Variants in GRIN3A observed in about 807,000 individuals in gnomAD.
GRIN3A encodes the protein glutamate ionotropic receptor NMDA type subunit 3A.
GRIN3A carries 47 observed loss-of-function variants against 92.4 expected under a neutral mutation model. The ratio of observed to expected loss-of-function variants is 0.51; its 90% CI spans 0.40 to 0.65. The LOEUF is 0.65. Ranked by LOEUF, GRIN3A falls within the 30% of genes least tolerant of loss-of-function variation. The pLI, the probability that GRIN3A is intolerant of heterozygous loss-of-function variation, is 0.00. For missense variants in GRIN3A, 1,324 were observed against 1,393.1 expected (o/e 0.95, Z 0.79); for synonymous variants, 527 against 540.6 (o/e 0.97, Z 0.35).
At chr9:101,672,792 C>T (rs1350867402) in intron 2 of GRIN3A, among the ~76,000 whole-genome samples, 1 of 152,060 alleles carries the variant, frequency 6.6e-6, no homozygotes, top group African/African-American at 2.4e-5. Flanking sequence ...TGTTAGTACT[C>T]CCCAGTGGGA....
intron 2 of GRIN3A, among the ~76,000 whole-genome samples, chr9:101,685,468 A>T (rs1829522435): frequency 6.6e-6 from 1 of 152,046 alleles, no homozygotes; most frequent in Non-Finnish European, 1.5e-5. Flanking sequence ...ACAGGGAAAC[A>T]TTCGTCTTTG....
chr9:101,604,573 C>T (rs1462562576), intron 6 of GRIN3A, among the ~76,000 whole-genome samples: 1 of 152,164 alleles, frequency 6.6e-6, no homozygotes, highest in Non-Finnish European at 1.5e-5. Flanking sequence ...AATCTACAGT[C>T]ATTAACTCTC....
chr9:101,664,587 T>A (rs1885978), intron 3 of GRIN3A, among the ~76,000 whole-genome samples: 51,208 of 151,868 alleles, frequency 0.34, 9,512 homozygotes, highest in Non-Finnish European at 0.42. Flanking sequence ...AGCAGCCAGG[T>A]ACAAGATTAT....
At chr9:101,695,923 G>T (rs143472348) in intron 1 of GRIN3A, among the ~76,000 whole-genome samples, 515 of 152,198 alleles carry the variant, frequency 3.4e-3, no homozygotes, top group Non-Finnish European at 5.4e-3. Context: ...TCTCTTTCTT[G>T]CCAGTGTTAG....
chr9:101,570,768 T>C lies in GRIN3A; in HGVS notation c.*2406A>G, dbSNP rs1476840299. On this transcript the variant is annotated 3_prime_UTR_variant, in exon 9 of 9. Transcript: ENST00000361820. ...AGAGAAGCTTAAGGTAAATCCGATATACAAAAATGCAGACTTACAAAACAG... is the reference window on the plus strand; with the variant it reads ...AGAGAAGCTTAAGGTAAATCCGATACACAAAAATGCAGACTTACAAAACAG... 1 of 152,646 alleles carries C rather than the reference T, an allele frequency of 6.6e-6. No homozygotes were observed. Among genetic ancestry groups the C allele is most frequent in the Non-Finnish European group, 1.5e-5 (1 of 68,044 alleles). The allele number at this position is 152,646 out of a possible 1,614,324, so 9.5% of individuals were successfully genotyped here. A position where few individuals can be genotyped will look rare whatever the true frequency, so the allele number is the denominator to read the frequency against.
At chr9:101,659,031 G>T (rs1235618201) in intron 3 of GRIN3A, among the ~76,000 whole-genome samples, 1 of 151,838 alleles carries the variant, frequency 6.6e-6, no homozygotes, top group Non-Finnish European at 1.5e-5. Flanking sequence ...CACTGTGCCT[G>T]TGGAGCTAAA....
chr9:101,608,316 C>G (rs1440791947), intron 6 of GRIN3A, among the ~76,000 whole-genome samples: 1 of 152,180 alleles, frequency 6.6e-6, no homozygotes, highest in Non-Finnish European at 1.5e-5. Context: ...ATTGCCTGGA[C>G]AAGCACAACT....
chr9:101,674,228 G>A (rs1040702137), intron 2 of GRIN3A, among the ~76,000 whole-genome samples: 33 of 152,048 alleles, frequency 2.2e-4, no homozygotes, highest in African/African-American at 7.5e-4. Flanking sequence ...TTTGTCTGGG[G>A]GGAGTCATGA....
chr9:101,614,110 G>A (rs1163761842), intron 5 of GRIN3A, among the ~76,000 whole-genome samples: 2 of 152,252 alleles, frequency 1.3e-5, no homozygotes, highest in Middle Eastern at 3.4e-3. Context: ...AATACTAAGT[G>A]TTAAAGAAGA....
Position 101,686,852 on chromosome 9 carries a change from G to C in GRIN3A, c.1048C>G (p.Pro350Ala), listed in dbSNP as rs755872389. The change falls in exon 2 of 9, where the codon CCT (proline) becomes GCT (alanine). Residue 350 changes from proline to alanine, a missense_variant. Physicochemically the swap from Pro to Ala is conservative, Grantham distance 27 (BLOSUM62 -1). Coordinates refer to ENST00000361820, the MANE Select transcript of GRIN3A (RefSeq NM_133445.3). ...EITTQFGVMP[P>A]ELRWVLGDSQ... ...TCTCCCAGCACCCAACGAAGTTCAG[G>C]GGGCATGACCCCAAACTGGGTTGTA... 2.5e-6 allele frequency: 4 copies of C among 1,614,176 alleles called. No homozygotes were observed. The Admixed American group carries it at 6.7e-5, about 27-fold the overall frequency.
chr9:101,581,679 C>A (rs1827889135), intron 6 of GRIN3A, among the ~76,000 whole-genome samples: 1 of 152,144 alleles, frequency 6.6e-6, no homozygotes, highest in Non-Finnish European at 1.5e-5. Flanking sequence ...GAATACACTT[C>A]TCTTCTTTAT....
At chr9:101,654,768 T>A (rs7020043) in intron 3 of GRIN3A, among the ~76,000 whole-genome samples, 1 of 151,572 alleles carries the variant, frequency 6.6e-6, no homozygotes. Context: ...TTGCCAGGTT[T>A]CTGTTAATAT....
intron 6 of GRIN3A, among the ~76,000 whole-genome samples, chr9:101,588,572 A>T (rs916102215): frequency 1.5e-4 from 23 of 151,950 alleles, no homozygotes; most frequent in Non-Finnish European, 7.4e-5. Flanking sequence ...TTTTTGAAAA[A>T]TTTATTATTA....
rs58943109 is a variant in GRIN3A, at chr9:101,614,826, C to T, written c.2615-1299G>A. ...TTGAGATAGGGTCTCACCGTGTTGC[C>T]CAGGCTGGTCTTGAACTCCTGGAGT... On this transcript the variant is annotated intron_variant, in intron 5 of 8. Transcript: ENST00000361820. 6.1e-4 allele frequency among the ~76,000 whole-genome samples: 93 copies of T among 151,546 alleles called. 1 individual carries two copies. In the East Asian group the frequency reaches 0.017, roughly 27 times the overall value.
Position 101,573,889 on chromosome 9 carries a change from A to G in GRIN3A, c.3009-376T>C, listed in dbSNP as rs1588232742. On this transcript the variant is annotated intron_variant, in intron 8 of 8. Transcript: ENST00000361820. ...GAAACGTTTGATGATTTGAAAGATG[A>G]TGCTTTAATAAAAGCAAAATCTATT... Among the ~76,000 whole-genome samples, 6 of 150,140 alleles carry G rather than the reference A, an allele frequency of 4.0e-5. No homozygotes were observed. In the South Asian group the frequency reaches 1.3e-3, roughly 32 times the overall value.
At chr9:101,632,880 A>C (rs1287650191) in intron 3 of GRIN3A, among the ~76,000 whole-genome samples, 1 of 152,112 alleles carries the variant, frequency 6.6e-6, no homozygotes, top group Non-Finnish European at 1.5e-5. Flanking sequence ...CATCACCAAG[A>C]AGTCCCAGTG....
rs11791480 is a variant in GRIN3A at position 101,719,219 on chromosome 9, C to A, written c.699+18062G>T. Among the ~76,000 whole-genome samples, 1,211 of 152,194 alleles carry A rather than the reference C, an allele frequency of 8.0e-3. 8 individuals are homozygous for A. The highest frequency in any genetic ancestry group is 0.024 in the South Asian group (118 of 4,820). ...GGATCACAAGGTCAGGAGTTTGAGA[C>A]CAGCCTGGCCAACATAGTCAAACCC... On this transcript the variant is annotated intron_variant, in intron 1 of 8. Transcript: ENST00000361820.
intron 1 of GRIN3A, among the ~76,000 whole-genome samples, chr9:101,725,144 A>G (rs1830068845): frequency 6.6e-6 from 1 of 152,222 alleles, no homozygotes; most frequent in African/African-American, 2.4e-5. Flanking sequence ...TTCACCCCAC[A>G]GAAGTGTTGG....
intron 5 of GRIN3A, among the ~76,000 whole-genome samples, chr9:101,617,208 A>AT (rs1828471920): frequency 2.3e-5 from 2 of 86,202 alleles, no homozygotes; most frequent in Non-Finnish European, 4.5e-5. Flanking sequence ...CTCCGTCTAA[A>AT]AAAAAAAAAA....
Sources: allele counts gnomAD v4.1 joint callset (sites outside exome capture counted in the v4.1 genomes callset), GRCh38; gene constraint gnomAD v4.1.1; transcripts MANE v1.5; gene names NCBI Gene and HGNC (gene_info 2026-07-23, HGNC 2026-07-21).